Variants in LIFR observed in about 807,000 individuals in gnomAD.
LIFR encodes the protein leukemia inhibitory factor receptor.
A neutral mutation model predicts 122.2 loss-of-function variants in LIFR; 84 were observed. The observed-to-expected ratio is 0.69, with a 90% CI of 0.58 to 0.82. LIFR has a LOEUF of 0.82. LIFR is among the 40% of genes least tolerant of loss of function. LIFR has a pLI of 0.00. For synonymous variants in LIFR, 422 were observed against 434.7 expected, an observed-to-expected ratio of 0.97 and a Z score of 0.36; for missense variants, 1,294 against 1,311.6, an observed-to-expected ratio of 0.99 and a Z score of 0.21.
chr5:38,493,901 G>A, intron 13 of LIFR, 116 bp from the exon 14 acceptor site: 1 of 832,862 alleles, frequency 1.2e-6, no homozygotes, highest in Non-Finnish European at 2.0e-6. Context: ...TTATAAAATA[G>A]TGCTCAAACT....
At chr5:38,561,762 G>A (rs973824058) in intron 1 of LIFR, among the ~76,000 whole-genome samples, 1 of 152,204 alleles carries the variant, frequency 6.6e-6, no homozygotes. Flanking sequence ...TCCTTGCAAA[G>A]TAAAGCTTAG....
intron 1 of LIFR, among the ~76,000 whole-genome samples, chr5:38,570,480 C>T (rs1749174417): frequency 1.3e-5 from 2 of 152,106 alleles, no homozygotes; most frequent in Admixed American, 1.3e-4. Context: ...TCTTGCAAAA[C>T]ATGTTGGAAT....
At chr5:38,528,899 A>G (rs919642364) in intron 2 of LIFR, 59 bp from the exon 3 acceptor site, 1 of 1,003,870 alleles carries the variant, frequency 1.0e-6, no homozygotes, top group East Asian at 2.6e-5. Flanking sequence ...AACACAGAAT[A>G]TGCTGAATAA....
At chr5:38,583,468 A>C (rs1278329321) in intron 1 of LIFR, among the ~76,000 whole-genome samples, 2 of 152,202 alleles carry the variant, frequency 1.3e-5, no homozygotes, top group African/African-American at 4.8e-5. Flanking sequence ...ACAACAAACT[A>C]TAAAGCTTCT....
chr5:38,503,824 C>A (rs1020360027), intron 10 of LIFR, 152 bp downstream of exon 10: 1 of 641,328 alleles, frequency 1.6e-6, no homozygotes, highest in African/African-American at 1.8e-5. Flanking sequence ...TGATACAATG[C>A]TGTTATTACA....
intron 2 of LIFR, among the ~76,000 whole-genome samples, chr5:38,602,795 G>A (rs553487006): frequency 6.6e-6 from 1 of 152,146 alleles, no homozygotes; most frequent in African/African-American, 2.4e-5. Flanking sequence ...ATGATGGTTC[G>A]ACAATTATCA....
At chr5:38,568,725 G>A (rs918407448) in intron 1 of LIFR, among the ~76,000 whole-genome samples, 35 of 152,116 alleles carry the variant, frequency 2.3e-4, no homozygotes, top group African/African-American at 8.5e-4. Context: ...ATGCCCAACT[G>A]GGGGTTTTGT....
intron 6 of LIFR, 140 bp from the exon 7 acceptor site, chr5:38,510,858 A>T: frequency 1.5e-6 from 1 of 678,366 alleles, no homozygotes; most frequent in East Asian, 2.7e-5. Context: ...GGTGCTTTGT[A>T]ATGATAATGG....
intron 1 of LIFR, among the ~76,000 whole-genome samples, chr5:38,545,091 G>A (rs1266737207): frequency 6.6e-6 from 1 of 152,114 alleles, no homozygotes; most frequent in Non-Finnish European, 1.5e-5. Context: ...CCAATATGGT[G>A]AAATCCCATC....
rs994617259 is a variant in LIFR at position 38,476,990 on chromosome 5, T to C, written c.*4605A>G. ...TAACCCAATATCATAATTACAAGGA[T>C]CTGGATATATTCTAGACCAAATCAC... is the stretch of plus-strand genomic sequence containing the variant. On this transcript the variant is annotated 3_prime_UTR_variant, in exon 20 of 20. Transcript: ENST00000453190. 4.5e-6 allele frequency: 1 copy of C among 223,118 alleles called. No individual in the cohort carries two copies. Among genetic ancestry groups the C allele is most frequent in the East Asian group, 6.5e-5 (1 of 15,304 alleles). The allele number at this position is 223,118 out of a possible 1,614,324, so 13.8% of individuals were successfully genotyped here.
chr5:38,603,975 G>A (rs1303733349), intron 2 of LIFR, among the ~76,000 whole-genome samples: 4 of 152,274 alleles, frequency 2.6e-5, no homozygotes, highest in African/African-American at 7.2e-5. Context: ...CCACAATACC[G>A]GAGGGCAGCC....
upstream of LIFR, among the ~76,000 whole-genome samples, chr5:38,598,235 TTATTTA>T (rs1213104896): frequency 8.6e-4 from 27 of 31,284 alleles, 2 homozygotes; most frequent in African/African-American, 2.8e-3. Context: ...TTTTTTTTAT[TTATTTA>T]TTTATTTTTT....
intron 1 of LIFR, among the ~76,000 whole-genome samples, chr5:38,539,676 T>G (rs1038668517): frequency 6.6e-6 from 1 of 151,484 alleles, no homozygotes; most frequent in South Asian, 2.1e-4. Context: ...TTTGGTTTTT[T>G]GGGGGGGGTA....
intron 1 of LIFR, among the ~76,000 whole-genome samples, chr5:38,537,480 GTC>G (rs1747353267): frequency 6.6e-6 from 1 of 152,126 alleles, no homozygotes; most frequent in Non-Finnish European, 1.5e-5. Context: ...AAATATAAAA[GTC>G]TACCAAACGA....
At chr5:38,567,948 T>C (rs945015571) in intron 1 of LIFR, among the ~76,000 whole-genome samples, 2 of 152,228 alleles carry the variant, frequency 1.3e-5, no homozygotes, top group Admixed American at 6.5e-5. Context: ...TATGAGTAAC[T>C]GTCTTCTAAA....
chr5:38,582,360 C>T (rs1749615433), intron 1 of LIFR, among the ~76,000 whole-genome samples: 1 of 152,130 alleles, frequency 6.6e-6, no homozygotes, highest in Non-Finnish European at 1.5e-5. Flanking sequence ...GTAAATCCTT[C>T]AATCAGGCAG....
At chr5:38,529,659 G>A (rs920206658) in intron 2 of LIFR, among the ~76,000 whole-genome samples, 4 of 151,844 alleles carry the variant, frequency 2.6e-5, no homozygotes, top group African/African-American at 9.7e-5. Context: ...GAGGGAAAGA[G>A]GGAAGAAAGG....
Position 38,493,787 on chromosome 5 carries a change from T to G in LIFR, c.1886-2A>C. 1 of 1,613,166 alleles carries G rather than the reference T, an allele frequency of 6.2e-7. No individual in the cohort carries two copies. On this transcript the variant is annotated splice_acceptor_variant, in intron 13 of 19. Coordinates refer to ENST00000453190, the MANE Select transcript of LIFR (RefSeq NM_001127671.2). LOFTEE classifies it high-confidence loss of function. ...CAACTTGTTCTATTTTGAGATCATC[T>G]TCAATAAGAAAGGAGGATATTTTAC...
At chr5:38,544,792 G>C (rs1747784618) in intron 1 of LIFR, among the ~76,000 whole-genome samples, 1 of 152,206 alleles carries the variant, frequency 6.6e-6, no homozygotes, top group African/African-American at 2.4e-5. Context: ...TGGGGAGGAA[G>C]AGACAGAGAG....
Sources: allele counts gnomAD v4.1 joint callset (sites outside exome capture counted in the v4.1 genomes callset), GRCh38; gene constraint gnomAD v4.1.1; transcripts MANE v1.5; gene names NCBI Gene and HGNC (gene_info 2026-07-23, HGNC 2026-07-21).